Variants in BCL2L11 observed in about 807,000 individuals in gnomAD.
The protein encoded by BCL2L11 is BCL2 like 11.
Under a neutral mutation model 20.6 loss-of-function variants are expected in BCL2L11, and 15 were observed. The ratio of observed to expected loss-of-function variants is 0.73; its 90% CI spans 0.49 to 1.12. The LOEUF is 1.12. BCL2L11 is among the 50% of genes most tolerant of loss of function. The probability of loss-of-function intolerance (pLI) is 0.00; values close to 1 mark genes in which losing one functional copy is unlikely to be tolerated. For missense variants in BCL2L11, 292 were observed against 260.9 expected (o/e 1.12, Z -0.82); for synonymous variants, 108 against 92.8 (o/e 1.16, Z -0.94).
intron 3 of BCL2L11, among the ~76,000 whole-genome samples, chr2:111,156,921 G>T (rs2077936548): frequency 6.6e-6 from 1 of 152,182 alleles, no homozygotes; most frequent in Non-Finnish European, 1.5e-5. Context: ...TTTAGAAAGG[G>T]AGATGCCAGG....
intron 2 of BCL2L11, among the ~76,000 whole-genome samples, chr2:111,133,050 AAAG>A (rs1291288869): frequency 6.6e-6 from 1 of 152,208 alleles, no homozygotes; most frequent in African/African-American, 2.4e-5. Flanking sequence ...TGACTGAACA[AAAG>A]AAAACAGATT....
At chr2:111,159,970 TAGACAC>T (rs1232215510) in intron 3 of BCL2L11, among the ~76,000 whole-genome samples, 1 of 152,272 alleles carries the variant, frequency 6.6e-6, no homozygotes, top group Non-Finnish European at 1.5e-5. Context: ...GAGGAACTTG[TAGACAC>T]ATAATCCTAT....
At chr2:111,125,071 T>C (rs2072242480) in intron 2 of BCL2L11, among the ~76,000 whole-genome samples, 1 of 152,086 alleles carries the variant, frequency 6.6e-6, no homozygotes, top group African/African-American at 2.4e-5. Flanking sequence ...AATTGGAGAG[T>C]ATTTGCCCCT....
intron 2 of BCL2L11, among the ~76,000 whole-genome samples, chr2:111,124,986 C>G (rs2072219021): frequency 6.6e-6 from 1 of 152,106 alleles, no homozygotes; most frequent in South Asian, 2.1e-4. Context: ...GGGTTTGAAC[C>G]AAGAGTGGCT....
At chr2:111,160,439 A>T (rs1353852515) in intron 3 of BCL2L11, among the ~76,000 whole-genome samples, 1 of 152,188 alleles carries the variant, frequency 6.6e-6, no homozygotes, top group East Asian at 1.9e-4. Context: ...CAACAGGGCC[A>T]CTGGAGCCCC....
chr2:111,143,125 A>C (rs1408694270), intron 2 of BCL2L11, among the ~76,000 whole-genome samples: 1 of 152,230 alleles, frequency 6.6e-6, no homozygotes, highest in African/African-American at 2.4e-5. Context: ...ATAAAATGGC[A>C]CAGGTCAGAT....
intron 2 of BCL2L11, among the ~76,000 whole-genome samples, chr2:111,126,770 A>G (rs1388772193): frequency 2.0e-5 from 3 of 152,162 alleles, no homozygotes; most frequent in Non-Finnish European, 4.4e-5. Context: ...TGCAAAATAC[A>G]TTTTCCACAA....
chr2:111,161,028 A>G (rs775192311), intron 3 of BCL2L11, among the ~76,000 whole-genome samples: 5 of 152,184 alleles, frequency 3.3e-5, no homozygotes, highest in Non-Finnish European at 7.3e-5. Context: ...AGACCTGTAG[A>G]TGCTGTCATC....
chr2:111,148,004 A>C (rs974761173), intron 2 of BCL2L11, among the ~76,000 whole-genome samples: 30 of 152,208 alleles, frequency 2.0e-4, no homozygotes, highest in Non-Finnish European at 1.5e-5. Flanking sequence ...GGATTTGTGA[A>C]TATCATTGAT....
At chr2:111,122,538 C>A (rs2071296775) in intron 1 of BCL2L11, 1 of 897,176 alleles carries the variant, frequency 1.1e-6, no homozygotes, top group African/African-American at 1.8e-5. Flanking sequence ...CGGCGCGGAG[C>A]GACCGCGCGC....
At chr2:111,130,821 A>G (rs926335066) in intron 2 of BCL2L11, among the ~76,000 whole-genome samples, 10 of 152,134 alleles carry the variant, frequency 6.6e-5, no homozygotes, top group African/African-American at 2.4e-4. Context: ...TCGTAAATGG[A>G]TGGATGTTAG....
At chr2:111,142,209 A>T in intron 2 of BCL2L11, 1 of 933,490 alleles carries the variant, frequency 1.1e-6, no homozygotes, top group Non-Finnish European at 1.7e-6. Flanking sequence ...CACTTGTGCT[A>T]ATGAAGACTC....
chr2:111,161,556 TTTA>T, intron 3 of BCL2L11: 3 of 1,540,954 alleles, frequency 1.9e-6, no homozygotes, highest in Non-Finnish European at 2.6e-6. Context: ...TATGGGTGTG[TTTA>T]TTGTCTTAGC....
chr2:111,146,061 G>A (rs1000421739), intron 2 of BCL2L11: 109 of 984,518 alleles, frequency 1.1e-4, no homozygotes, highest in Non-Finnish European at 1.3e-4. Flanking sequence ...TTTACCTCAA[G>A]AGCAGTTTAT....
At chr2:111,146,453 A>G (rs1448377436) in intron 2 of BCL2L11, among the ~76,000 whole-genome samples, 4 of 152,196 alleles carry the variant, frequency 2.6e-5, no homozygotes, top group African/African-American at 9.6e-5. Flanking sequence ...AGGTAAGATT[A>G]CAGGAGTGAG....
At chr2:111,137,200 G>A (rs186339179) in intron 2 of BCL2L11, among the ~76,000 whole-genome samples, 140 of 152,274 alleles carry the variant, frequency 9.2e-4, no homozygotes, top group African/African-American at 3.2e-3. Context: ...ACATTCTGAT[G>A]CCTTGCTGCT....
intron 2 of BCL2L11, among the ~76,000 whole-genome samples, chr2:111,149,471 G>A (rs2150493889): frequency 6.6e-6 from 1 of 152,252 alleles, no homozygotes; most frequent in South Asian, 2.1e-4. Context: ...GCTTTCATTT[G>A]GCCCTGGGGT....
chr2:111,125,873 G>A (rs1259276491), intron 2 of BCL2L11, among the ~76,000 whole-genome samples: 3 of 152,178 alleles, frequency 2.0e-5, no homozygotes, highest in Admixed American at 6.5e-5. Context: ...TTCTTGGCTT[G>A]TAGTTTTTGT....
intron 2 of BCL2L11, among the ~76,000 whole-genome samples, chr2:111,128,107 T>TC (rs919771968): frequency 2.0e-5 from 3 of 151,698 alleles, no homozygotes; most frequent in Non-Finnish European, 2.9e-5. Flanking sequence ...CATTTCCCCC[T>TC]CCCCCCAGCT....
Sources: gnomAD v4.1 joint callset for allele counts (sites outside exome capture counted in the v4.1 genomes callset) on GRCh38, gnomAD v4.1.1 for gene constraint, MANE v1.5 for transcripts, NCBI Gene and HGNC (gene_info 2026-07-23, HGNC 2026-07-21) for gene names.